USH2A: variants seen among roughly 807,000 people sequenced by gnomAD.
USH2A encodes the protein usherin, also known as Usher syndrome 2A (autosomal recessive, mild).
In USH2A, 443 loss-of-function variants were observed where a neutral mutation model predicts 538.9. The observed-to-expected ratio is 0.82, with a 90% confidence interval of 0.76 to 0.89. The LOEUF (loss-of-function observed/expected upper bound fraction) is 0.89, where lower values mean the gene tolerates loss of function less well. Among genes scored for constraint, USH2A ranks in the 40% least tolerant of loss-of-function variants. USH2A has a pLI of 0.00. For synonymous variants in USH2A, 2,413 were observed against 2,273.5 expected, an observed-to-expected ratio of 1.06 and a Z score of -1.75; for missense variants, 6,633 against 6,324.8, an observed-to-expected ratio of 1.05 and a Z score of -1.65.
chr1:216,096,893 C>T (rs1571957902), intron 22 of USH2A, among the ~76,000 whole-genome samples, 190 bp downstream of exon 22: 1 of 152,200 alleles, frequency 6.6e-6, no homozygotes, highest in East Asian at 1.9e-4. Flanking sequence ...GTTAGCTCCG[C>T]TATTTTAGCT....
intron 11 of USH2A, among the ~76,000 whole-genome samples, chr1:216,260,440 A>AT (rs1337322879): frequency 1.3e-5 from 2 of 152,130 alleles, no homozygotes; most frequent in African/African-American, 2.4e-5. Flanking sequence ...GCTAAGGAAG[A>AT]TTTTGTCCCC....
intron 49 of USH2A, among the ~76,000 whole-genome samples, chr1:215,808,496 A>C (rs552412705): frequency 6.6e-6 from 1 of 152,232 alleles, no homozygotes; most frequent in South Asian, 2.1e-4. Context: ...GCACACTTCC[A>C]TGAATTTTAA....
chr1:216,237,847 T>C (rs1041937039), intron 13 of USH2A, among the ~76,000 whole-genome samples: 10 of 152,158 alleles, frequency 6.6e-5, no homozygotes, highest in Non-Finnish European at 1.0e-4. Context: ...GTACCTAAGA[T>C]TGTGGTCTGT....
At chr1:215,732,329 C>A (rs1328885851) in intron 60 of USH2A, among the ~76,000 whole-genome samples, 1 of 152,050 alleles carries the variant, frequency 6.6e-6, no homozygotes, top group East Asian at 1.9e-4. Flanking sequence ...AGAGATTTAC[C>A]ATGTAAAATG....
At chr1:215,816,166 T>C (rs1252965430) in intron 48 of USH2A, among the ~76,000 whole-genome samples, 1 of 152,068 alleles carries the variant, frequency 6.6e-6, no homozygotes, top group Non-Finnish European at 1.5e-5. Context: ...TATACAAATA[T>C]GTTCATCAGA....
intron 30 of USH2A, among the ~76,000 whole-genome samples, chr1:216,049,783 C>T (rs1179096063): frequency 6.6e-6 from 1 of 152,108 alleles, no homozygotes; most frequent in African/African-American, 2.4e-5. Flanking sequence ...TGCTTTGACA[C>T]CTCCCACTTG....
At chr1:215,742,417 G>A (rs780501562) in intron 59 of USH2A, among the ~76,000 whole-genome samples, 7 of 151,494 alleles carry the variant, frequency 4.6e-5, no homozygotes, top group African/African-American at 1.2e-4. Flanking sequence ...CATATATGAT[G>A]AGATCATATA....
intron 37 of USH2A, among the ~76,000 whole-genome samples, chr1:215,952,936 C>A (rs1420573336): frequency 6.6e-6 from 1 of 152,050 alleles, no homozygotes; most frequent in Non-Finnish European, 1.5e-5. Context: ...AAACAGAGAG[C>A]CAAATCATGA....
intron 46 of USH2A, among the ~76,000 whole-genome samples, chr1:215,840,979 G>C (rs139197301): frequency 1.3e-5 from 2 of 152,168 alleles, no homozygotes; most frequent in African/African-American, 4.8e-5. Context: ...TCCATGCTAA[G>C]ACAACTCAGG....
chr1:216,367,172 G>T (rs1333535179), intron 3 of USH2A, among the ~76,000 whole-genome samples: 1 of 152,128 alleles, frequency 6.6e-6, no homozygotes, highest in Non-Finnish European at 1.5e-5. Context: ...CTACACTAAA[G>T]ATACTATTAC....
intron 69 of USH2A, 72 bp downstream of exon 69, chr1:215,639,083 A>G: frequency 1.4e-6 from 2 of 1,401,362 alleles, no homozygotes; most frequent in Non-Finnish European, 2.0e-6. Context: ...CCAAGTATGT[A>G]TAAACAAACA....
intron 32 of USH2A, among the ~76,000 whole-genome samples, chr1:216,042,125 A>C (rs1204836577): frequency 6.6e-6 from 1 of 152,068 alleles, no homozygotes; most frequent in African/African-American, 2.4e-5. Context: ...TGTTATTCAA[A>C]ACATTTCAAA....
chr1:215,952,948 T>C (rs1250943078), intron 37 of USH2A, among the ~76,000 whole-genome samples: 1 of 152,032 alleles, frequency 6.6e-6, no homozygotes, highest in Non-Finnish European at 1.5e-5. Context: ...AAATCATGAG[T>C]GAAATCCCAT....
intron 50 of USH2A, among the ~76,000 whole-genome samples, chr1:215,795,809 G>C (rs1346447082): frequency 6.6e-6 from 1 of 152,064 alleles, no homozygotes; most frequent in African/African-American, 2.4e-5. Flanking sequence ...TTTAAGCAGT[G>C]GTTCTCAAAT....
chr1:215,775,999 A>T (rs1661450427), intron 55 of USH2A, among the ~76,000 whole-genome samples: 1 of 152,218 alleles, frequency 6.6e-6, no homozygotes. Context: ...CGTTATGCTA[A>T]ACAGGACATG....
At chr1:216,128,528 C>T (rs539167428) in intron 21 of USH2A, among the ~76,000 whole-genome samples, 27 of 152,080 alleles carry the variant, frequency 1.8e-4, no homozygotes, top group Non-Finnish European at 3.2e-4. Context: ...AATGGAAAAT[C>T]TCTTCCTATC....
chr1:215,836,487 A>T (rs1235203441), intron 47 of USH2A, among the ~76,000 whole-genome samples: 6 of 6,904 alleles, frequency 8.7e-4, no homozygotes, highest in African/African-American at 9.4e-4. Flanking sequence ...TATAATATAT[A>T]TTATATATAT....
At chr1:215,788,427 G>A (rs1278756682) in intron 51 of USH2A, among the ~76,000 whole-genome samples, 3 of 152,140 alleles carry the variant, frequency 2.0e-5, no homozygotes, top group East Asian at 3.9e-4. Context: ...AGGGCTGCAT[G>A]AAGCATCACA....
At chr1:216,354,730 C>G (rs959685321) in intron 4 of USH2A, among the ~76,000 whole-genome samples, 6 of 150,292 alleles carry the variant, frequency 4.0e-5, no homozygotes, top group African/African-American at 1.5e-4. Flanking sequence ...AAGGAACAAA[C>G]AAAACTGTAC....
Sources: allele counts gnomAD v4.1 joint callset (sites outside exome capture counted in the v4.1 genomes callset), GRCh38; gene constraint gnomAD v4.1.1; transcripts MANE v1.5; gene names NCBI Gene and HGNC (gene_info 2026-07-23, HGNC 2026-07-21).